The following GPR137B variants were observed in gnomAD, a reference collection of about 807,000 sequenced individuals.
GPR137B encodes the protein G protein-coupled receptor 137B, also known as integral membrane protein GPR137B.
In GPR137B, 42 loss-of-function variants were observed where a neutral mutation model predicts 42.5. The ratio of observed to expected loss-of-function variants is 0.99; its 90% CI spans 0.77 to 1.28. The LOEUF (loss-of-function observed/expected upper bound fraction) is 1.28. Ranked by LOEUF, GPR137B falls within the 50% of genes most tolerant of loss-of-function variation. The probability of loss-of-function intolerance (pLI) is 0.00; values close to 1 mark genes in which losing one functional copy is unlikely to be tolerated. For synonymous variants in GPR137B, 218 were observed against 209.7 expected (o/e 1.04, Z -0.34); for missense variants, 487 against 493.9 (o/e 0.99, Z 0.13).
In GPR137B at chr1:236,183,805, G is replaced by T; in HGVS notation, c.865G>T (p.Ala289Ser). 1 of 1,606,936 alleles carries T rather than the reference G, an allele frequency of 6.2e-7. No homozygotes were observed. Among genetic ancestry groups the T allele is most frequent in the Non-Finnish European group, 8.5e-7 (1 of 1,173,806 alleles). Residue 289 changes from alanine (A) to serine (S), a missense_variant, in exon 5 of 7, where the codon GCT becomes TCT. Ala to Ser is a moderately conservative substitution (Grantham distance 99, BLOSUM62 1). Transcript: ENST00000366592. ...AGATTTGAAGAATCAGCTGGGAGAT[G>T]CTGGATACGTATTATTTGGAGTGGT... ...QADLKNQLGD[A>S]GYVLFGVVLF...
At chr1:236,164,126 C>T (rs1351532459) in intron 1 of GPR137B, among the ~76,000 whole-genome samples, 2 of 152,200 alleles carry the variant, frequency 1.3e-5, no homozygotes, top group African/African-American at 4.8e-5. Flanking sequence ...TTATTACTGA[C>T]ATGTCTGTCT....
chr1:236,168,746 T>C lies in GPR137B; in HGVS notation c.455T>C (p.Leu152Pro), dbSNP rs147805876. ...KAKSKYSPELLKYRLPLYLAS... is the reference protein window; with the variant it reads ...KAKSKYSPELPKYRLPLYLAS... ...AAGTCAAAATATTCTCCAGAATTACTCAAATACCGGTAAGTACTGCAGGGC... is the reference window on the plus strand; with the variant it reads ...AAGTCAAAATATTCTCCAGAATTACCCAAATACCGGTAAGTACTGCAGGGC... The change falls in exon 2 of 7, where the codon CTC (leucine) becomes CCC (proline). Residue 152 changes from leucine (L) to proline (P), a missense_variant. Transcript: ENST00000366592. 357 of 1,607,262 alleles carry C rather than the reference T, an allele frequency of 2.2e-4. No individual in the cohort carries two copies. Among genetic ancestry groups the C allele is most frequent in the Non-Finnish European group, 2.0e-4 (236 of 1,173,748 alleles).
rs73122905 is a variant in GPR137B at position 236,171,443 on chromosome 1, G to A, written c.464+2688G>A. Among the ~76,000 whole-genome samples, 391 of 152,282 alleles carry A rather than the reference G, an allele frequency of 2.6e-3. 2 individuals carry two copies. Among genetic ancestry groups the A allele is most frequent in the African/African-American group, 9.0e-3 (373 of 41,558 alleles). On this transcript the variant is annotated intron_variant, in intron 2 of 6. Coordinates refer to ENST00000366592, the MANE Select transcript of GPR137B (RefSeq NM_003272.4). This position sits in a 1 kb window ranked among gnomAD's most constrained non-coding sequence, Gnocchi z 4.4. Reference sequence around the variant, plus strand: ...TAGGAGGAGAACATTCTGTCTGATCGGACCGTGGAACTGATTTTATCTTGG... The same window carrying A: ...TAGGAGGAGAACATTCTGTCTGATCAGACCGTGGAACTGATTTTATCTTGG...
rs375666353 is a variant in GPR137B, at chr1:236,193,725, T to C, written c.966+9819T>C. Among the ~76,000 whole-genome samples the C allele has an allele frequency of 5.3e-4, 81 of 152,344 alleles. No homozygotes were observed. In the South Asian group the frequency reaches 8.5e-3, roughly 16 times the overall value. ...CCATTTTTAAACTGGGTTGTCTTTT[T>C]ATTATTGAATTGTAAGAGTTCTTTA... On this transcript the variant is annotated intron_variant, in intron 5 of 6. Transcript: ENST00000366592.
chr1:236,193,298 C>T (rs796764780), intron 5 of GPR137B, among the ~76,000 whole-genome samples: 11 of 152,216 alleles, frequency 7.2e-5, no homozygotes, highest in African/African-American at 2.6e-4. Context: ...GGGTCATTTC[C>T]ACCATTTGGC....
chr1:236,191,709 G>T (rs2102919803), intron 5 of GPR137B, among the ~76,000 whole-genome samples: 1 of 152,336 alleles, frequency 6.6e-6, no homozygotes. Flanking sequence ...CTTTGTCCCA[G>T]AGGGGCACCT....
intron 1 of GPR137B, among the ~76,000 whole-genome samples, chr1:236,145,045 C>T (rs1055874403): frequency 6.6e-6 from 1 of 152,242 alleles, no homozygotes; most frequent in Non-Finnish European, 1.5e-5. Context: ...TTTATATCTC[C>T]CAGGTCTGCG....
Position 236,155,649 on chromosome 1 carries a change from G to A in GPR137B, c.414+12613G>A, listed in dbSNP as rs1486679372. Among the ~76,000 whole-genome samples the A allele has an allele frequency of 2.6e-5, 4 of 152,084 alleles. No individual in the cohort carries two copies. The highest frequency in any genetic ancestry group is 4.8e-5 in the African/African-American group (2 of 41,430). On this transcript the variant is annotated intron_variant, in intron 1 of 6. Transcript: ENST00000366592. This position sits in a 1 kb window ranked among gnomAD's most constrained non-coding sequence, Gnocchi z 4.6. ...TGGGTGGCCAGCCTGTGTTGGCGCCGTTGGATGGAGTGAAGCTCAGTTTAT... is the reference window on the plus strand; with the variant it reads ...TGGGTGGCCAGCCTGTGTTGGCGCCATTGGATGGAGTGAAGCTCAGTTTAT...
At chr1:236,198,509 G>C (rs1296958167) in intron 5 of GPR137B, among the ~76,000 whole-genome samples, 1 of 152,158 alleles carries the variant, frequency 6.6e-6, no homozygotes, top group Non-Finnish European at 1.5e-5. Context: ...CCAGCCTGAT[G>C]ATGGTATCTT....
In GPR137B at chr1:236,168,706, G is replaced by A; in HGVS notation, c.415G>A (p.Val139Met). 6.2e-7 allele frequency: 1 copy of A among 1,611,880 alleles called. No individual in the cohort carries two copies. Among genetic ancestry groups the A allele is most frequent in the Admixed American group, 1.7e-5 (1 of 60,020 alleles). Residue 139 changes from valine to methionine, a missense_variant and splice_region_variant, in exon 2 of 7, where the codon GTG (valine) becomes ATG (methionine). Val to Met is a conservative substitution (Grantham distance 21). Coordinates refer to ENST00000366592, the MANE Select transcript of GPR137B (RefSeq NM_003272.4). ...CTGCCATGCTTTTCTGTCGTTGCAG[G>A]TGATTTTCAAAGCCAAGTCAAAATA... Reference protein sequence around the residue: ...LTLMNLYFTQVIFKAKSKYSP... With the variant: ...LTLMNLYFTQMIFKAKSKYSP...
At position 236,169,428 on chromosome 1, in the gene GPR137B, C is replaced by T. The variant is rs544042947; in HGVS notation, c.464+673C>T. Among the ~76,000 whole-genome samples the T allele has an allele frequency of 3.5e-4, 53 of 152,350 alleles. 1 individual carries two copies. The Middle Eastern group carries it at 0.031, about 88-fold the overall frequency. The stretch of plus-strand genomic sequence containing the variant: ...TCCACATCCAGAAATACTGTTCTGA[C>T]CATTCAGTGCTCATTTAGGCACCAG... On this transcript the variant is annotated intron_variant, in intron 2 of 6. Transcript: ENST00000366592.
chr1:236,143,073 G>C (rs746441719), intron 1 of GPR137B, 37 bp downstream of exon 1: 23 of 1,558,322 alleles, frequency 1.5e-5, no homozygotes, highest in Non-Finnish European at 2.0e-5. Flanking sequence ...CGCTCACCTG[G>C]CGGGGTGGTC....
intron 1 of GPR137B, among the ~76,000 whole-genome samples, chr1:236,165,271 C>CT (rs1167192680): frequency 6.6e-6 from 1 of 152,174 alleles, no homozygotes; most frequent in African/African-American, 2.4e-5. Flanking sequence ...ATGGTCAAGG[C>CT]TTTTATTTTG....
chr1:236,184,702 G>A (rs1039491214), intron 5 of GPR137B, among the ~76,000 whole-genome samples: 6 of 151,996 alleles, frequency 3.9e-5, no homozygotes, highest in African/African-American at 9.7e-5. Flanking sequence ...TTTGGAAGCC[G>A]CCAGGCTTCA....
chr1:236,176,434 T>C (rs965267422), intron 2 of GPR137B, among the ~76,000 whole-genome samples: 1 of 151,980 alleles, frequency 6.6e-6, no homozygotes, highest in Non-Finnish European at 1.5e-5. Flanking sequence ...ACTTTGTCCC[T>C]CCTCCAGGGC....
intron 1 of GPR137B, among the ~76,000 whole-genome samples, chr1:236,168,186 G>A (rs1416432974): frequency 1.3e-5 from 2 of 152,128 alleles, no homozygotes. Flanking sequence ...CAGCACTTTG[G>A]GAGGCTGAGG....
At chr1:236,181,568 C>A (rs1662878196) in intron 4 of GPR137B, among the ~76,000 whole-genome samples, 1 of 152,196 alleles carries the variant, frequency 6.6e-6, no homozygotes, top group South Asian at 2.1e-4. Flanking sequence ...ATCTATAAAT[C>A]TTCTAACATC....
intron 1 of GPR137B, among the ~76,000 whole-genome samples, chr1:236,151,769 C>T (rs985496299): frequency 4.6e-5 from 7 of 152,118 alleles, no homozygotes; most frequent in Non-Finnish European, 8.8e-5. Flanking sequence ...GGCTGAGCTA[C>T]GCAGTCTGCA....
intron 5 of GPR137B, among the ~76,000 whole-genome samples, chr1:236,195,365 T>C (rs1663304704): frequency 6.6e-6 from 1 of 152,206 alleles, no homozygotes; most frequent in African/African-American, 2.4e-5. Flanking sequence ...CATGCGATGT[T>C]TGTCTGTGTC....
Sources: gnomAD v4.1 joint callset for allele counts (sites outside exome capture counted in the v4.1 genomes callset) on GRCh38, gnomAD v4.1.1 for gene constraint, Gnocchi (gnomAD v3.1) non-coding constraint, MANE v1.5 for transcripts, NCBI Gene and HGNC (gene_info 2026-07-23, HGNC 2026-07-21) for gene names.